Variants in CEP89 observed in about 807,000 individuals in gnomAD.
CEP89 encodes the protein centrosomal protein of 89 kDa.
CEP89 carries 95 observed loss-of-function variants against 97.6 expected under a neutral mutation model. That is an observed-to-expected ratio of 0.97 (90% CI 0.82 to 1.15). The LOEUF (loss-of-function observed/expected upper bound fraction) is 1.15, where lower values mean the gene tolerates loss of function less well. CEP89 is among the 50% of genes most tolerant of loss of function. The probability of loss-of-function intolerance (pLI) is 0.00; values close to 1 mark genes in which losing one functional copy is unlikely to be tolerated. For missense variants in CEP89, 869 were observed against 947.7 expected (o/e 0.92, Z 1.09); for synonymous variants, 354 against 349.1 (o/e 1.01, Z -0.16).
rs775079961 is a variant in CEP89 at position 32,901,273 on chromosome 19, C to A, written c.1705G>T (p.Glu569Ter). The A allele has an allele frequency of 1.2e-6, 2 of 1,612,860 alleles. No homozygotes were observed. The highest frequency in any genetic ancestry group is 3.4e-5 in the Admixed American group (2 of 59,572). The change falls in exon 15 of 19, where the codon GAA becomes TAA. Residue 569 changes from glutamate to a stop codon, truncating the protein, a stop_gained. Transcript: ENST00000305768. LOFTEE classifies it high-confidence loss of function. ...TTGATTTTCTGTGCTCGTTCAAGTT[C>A]GGCTTCCAGTGCTTTGTTTTGCTCT... Reference protein sequence around the residue: ...LTEQNKALEAELERAQKINRK... With the variant: ...LTEQNKALEA
chr19:32,920,945 C>A (rs1231997639), intron 12 of CEP89, among the ~76,000 whole-genome samples: 1 of 151,096 alleles, frequency 6.6e-6, no homozygotes, highest in Non-Finnish European at 1.5e-5. Flanking sequence ...GGGCCAGGTG[C>A]GGTGGCTCAC....
At chr19:32,913,117 CATAT>C (rs1970039368) in intron 14 of CEP89, among the ~76,000 whole-genome samples, 1 of 147,276 alleles carries the variant, frequency 6.8e-6, no homozygotes. Context: ...ATAAAATATT[CATAT>C]ATAATTATAC....
At chr19:32,932,810 C>T (rs1393974782) in intron 8 of CEP89, among the ~76,000 whole-genome samples, 11 of 151,616 alleles carry the variant, frequency 7.3e-5, no homozygotes, top group Non-Finnish European at 1.5e-4. Flanking sequence ...CTTAGCCAGG[C>T]ATGATGGCGT....
In CEP89 at chr19:32,931,507, T is replaced by A; in HGVS notation, c.951A>T (p.Gly317=). 1 of 1,589,828 alleles carries A rather than the reference T, an allele frequency of 6.3e-7. No homozygotes were observed. The highest frequency in any genetic ancestry group is 8.5e-7 in the Non-Finnish European group (1 of 1,174,516). Residue 317 remains glycine (G), a synonymous_variant, in exon 9 of 19, where the codon GGA becomes GGT. Transcript: ENST00000305768. ...QAQELVDEND[G]LKMTVHRLNV... ...TCAAACGATGGACAGTCATTTTCAATCCATCATTTTCATCCACCAGTTCTT... is the reference window on the plus strand; with the variant it reads ...TCAAACGATGGACAGTCATTTTCAAACCATCATTTTCATCCACCAGTTCTT...
chr19:32,951,563 A>ACACACACACACG (rs1322469845), intron 4 of CEP89, among the ~76,000 whole-genome samples: 4 of 150,706 alleles, frequency 2.7e-5, no homozygotes, highest in African/African-American at 7.3e-5. Context: ...ACACACACAC[A>ACACACACACACG]CACGCACACT....
chr19:32,956,442 G>A (rs572996360), intron 3 of CEP89, among the ~76,000 whole-genome samples: 2 of 150,936 alleles, frequency 1.3e-5, no homozygotes, highest in African/African-American at 4.9e-5. Flanking sequence ...AGATCATACT[G>A]CAACTTTGAC....
At chr19:32,908,576 T>A (rs1489212923) in intron 14 of CEP89, among the ~76,000 whole-genome samples, 1 of 151,986 alleles carries the variant, frequency 6.6e-6, no homozygotes, top group Non-Finnish European at 1.5e-5. Flanking sequence ...ATAGACAAAA[T>A]GAGGAGTAGG....
At chr19:32,931,917 C>T (rs1274469103) in intron 8 of CEP89, among the ~76,000 whole-genome samples, 1 of 152,178 alleles carries the variant, frequency 6.6e-6, no homozygotes, top group Non-Finnish European at 1.5e-5. Context: ...TGCGGTGGCT[C>T]ACGCCTGTAA....
At position 32,901,292 on chromosome 19, in the gene CEP89, T is replaced by C; in HGVS notation, c.1686A>G (p.Gln562=). 6.2e-7 allele frequency: 1 copy of C among 1,614,168 alleles called. No homozygotes were observed. Among genetic ancestry groups the C allele is most frequent in the East Asian group, 2.2e-5 (1 of 44,888 alleles). ...CAAGTTCGGCTTCCAGTGCTTTGTT[T>C]TGCTCTGTCAAACTGTTCTTCTCTA... The part of the protein sequence containing the change: ...LLLEKNSLTE[Q]NKALEAELER... The change falls in exon 15 of 19, where the codon CAA becomes CAG. Residue 562 remains glutamine, a synonymous_variant. Transcript: ENST00000305768.
rs1360890500 is a variant in CEP89, at chr19:32,918,223, CCTT to C, written c.1382_1384del (p.Glu461del). The C allele has an allele frequency of 6.2e-7, 1 of 1,609,830 alleles. No homozygotes were observed. The highest frequency in any genetic ancestry group is 8.5e-7 in the Non-Finnish European group (1 of 1,176,084). Reference sequence around the variant, plus strand: ...ACCAGTCCTCACTGGAAGGACCTCACCTTCTTGGAGGCGCTCCTGGTGGCTGTC... The same window carrying C: ...ACCAGTCCTCACTGGAAGGACCTCACCTTGGAGGCGCTCCTGGTGGCTGTC... On this transcript the variant is annotated inframe_deletion and splice_region_variant, in exon 13 of 19. Transcript: ENST00000305768.
chr19:32,932,819 G>A (rs73577770), intron 8 of CEP89, among the ~76,000 whole-genome samples: 33,713 of 151,708 alleles, frequency 0.22, 3,936 homozygotes, highest in Admixed American at 0.33. Flanking sequence ...GCATGATGGC[G>A]TTTGCCTTTA....
chr19:32,900,090 T>C lies in CEP89; in HGVS notation c.1734-92A>G, dbSNP rs1003144946. On this transcript the variant is annotated intron_variant, in intron 15 of 18. Coordinates refer to ENST00000305768, the MANE Select transcript of CEP89 (RefSeq NM_032816.5). ...ATCTGTATTACAAAAACAGCAAGTA[T>C]GTTAGCATTTAAATGCTATTCTTCA... 8.4e-6 allele frequency: 10 copies of C among 1,193,344 alleles called. No homozygotes were observed. In the African/African-American group the frequency reaches 1.4e-4, roughly 16 times the overall value. The allele number at this position is 1,193,344 out of a possible 1,614,324, so 73.9% of individuals were successfully genotyped here.
intron 9 of CEP89, among the ~76,000 whole-genome samples, chr19:32,930,693 T>G (rs1333422774): frequency 6.6e-6 from 1 of 152,072 alleles, no homozygotes; most frequent in Admixed American, 6.5e-5. Flanking sequence ...CATCGGTTCA[T>G]CTGGCACTCC....
In CEP89 at chr19:32,878,389, A is replaced by G. The variant is rs951623539; in HGVS notation, c.*773T>C. Reference sequence around the variant, plus strand: ...CAGCAGCACCTTGTTTTTTTTGACCAAACAAGAAAAGGCCCCCAGAGCTCA... The same window carrying G: ...CAGCAGCACCTTGTTTTTTTTGACCGAACAAGAAAAGGCCCCCAGAGCTCA... On this transcript the variant is annotated 3_prime_UTR_variant, in exon 19 of 19. Transcript: ENST00000305768. 3.3e-5 allele frequency: 5 copies of G among 152,360 alleles called. No homozygotes were observed. Among genetic ancestry groups the G allele is most frequent in the African/African-American group, 1.2e-4 (5 of 41,456 alleles). The allele number at this position is 152,360 out of a possible 1,614,324, so 9.4% of individuals were successfully genotyped here.
intron 4 of CEP89, among the ~76,000 whole-genome samples, chr19:32,949,024 A>G (rs1970857018): frequency 6.6e-6 from 1 of 152,058 alleles, no homozygotes; most frequent in Admixed American, 6.5e-5. Context: ...CACTGCACCC[A>G]GCCTGTGTTA....
chr19:32,925,436 T>G (rs78073460), intron 11 of CEP89, among the ~76,000 whole-genome samples: 2,787 of 151,826 alleles, frequency 0.018, 86 homozygotes, highest in African/African-American at 0.064. Context: ...GCATCTAAGT[T>G]TGCCCAAAAC....
rs1450395887 is a variant in CEP89, at chr19:32,878,597, A to G, written c.*565T>C. 1.3e-5 allele frequency: 2 copies of G among 152,314 alleles called. No individual in the cohort carries two copies. Among genetic ancestry groups the G allele is most frequent in the Non-Finnish European group, 2.9e-5 (2 of 68,122 alleles). 9.4% of individuals were successfully genotyped at this position (152,314 alleles called of 1,614,324 possible). A position where few individuals can be genotyped will look rare whatever the true frequency, so the allele number is the denominator to read the frequency against. On this transcript the variant is annotated 3_prime_UTR_variant, in exon 19 of 19. Transcript: ENST00000305768. ...CCTACTCACCAGAGCAGTGGGTGTC[A>G]TAGAACTCATCTCAGTGGCAATGTG...
chr19:32,923,076 G>A (rs529725271), intron 12 of CEP89, among the ~76,000 whole-genome samples: 1 of 152,110 alleles, frequency 6.6e-6, no homozygotes, highest in Non-Finnish European at 1.5e-5. Context: ...TCTGTTTTGG[G>A]AGGCCATTTT....
chr19:32,964,193 A>G (rs1971234411), intron 2 of CEP89, among the ~76,000 whole-genome samples: 1 of 149,336 alleles, frequency 6.7e-6, no homozygotes, highest in Non-Finnish European at 1.5e-5. Flanking sequence ...TTTTTTTGAG[A>G]TATAAGTCTC....
Sources: gnomAD v4.1 joint callset for allele counts (sites outside exome capture counted in the v4.1 genomes callset) on GRCh38, gnomAD v4.1.1 for gene constraint, MANE v1.5 for transcripts, NCBI Gene and HGNC (gene_info 2026-07-23, HGNC 2026-07-21) for gene names.